The following ERMARD variants were observed in gnomAD, a reference collection of about 807,000 sequenced individuals.
ERMARD encodes the protein ER membrane associated RNA degradation, also known as endoplasmic reticulum membrane-associated RNA degradation protein.
In ERMARD, 71 loss-of-function variants were observed where a neutral mutation model predicts 83.9. The observed-to-expected ratio is 0.85, with a 90% CI of 0.70 to 1.03. The LOEUF is 1.03. Ranked by LOEUF, ERMARD falls within the 50% of genes least tolerant of loss-of-function variation. The probability of loss-of-function intolerance (pLI) is 0.00; values close to 1 mark genes in which losing one functional copy is unlikely to be tolerated. For synonymous variants in ERMARD, 284 were observed against 298.6 expected (o/e 0.95, Z 0.50); for missense variants, 838 against 810.9 (o/e 1.03, Z -0.41).
At chr6:169,760,794 T>A in intron 8 of ERMARD, 38 bp downstream of exon 8, 2 of 1,392,160 alleles carry the variant, frequency 1.4e-6, no homozygotes, top group Non-Finnish European at 2.0e-6. Context: ...TTTGCAGTGG[T>A]TGGAGGCCAT....
chr6:169,774,936 G>A (rs914239900), intron 13 of ERMARD, among the ~76,000 whole-genome samples: 4 of 152,158 alleles, frequency 2.6e-5, no homozygotes, highest in Non-Finnish European at 4.4e-5. Context: ...GCACAGCATC[G>A]TCACACCTGC....
At chr6:169,767,353 G>C (rs143811271) in intron 10 of ERMARD, 1 of 152,308 alleles carries the variant, frequency 6.6e-6, no homozygotes, top group African/African-American at 2.4e-5. Context: ...GTGAGGAATT[G>C]ATTAGATAGT....
At chr6:169,780,200 G>T (rs1794049345) in intron 17 of ERMARD, among the ~76,000 whole-genome samples, 1 of 152,130 alleles carries the variant, frequency 6.6e-6, no homozygotes, top group Non-Finnish European at 1.5e-5. Context: ...TTGTGGGCTG[G>T]TGCAAGACTG....
In ERMARD at chr6:169,768,175, A is replaced by C; in HGVS notation, c.1059+4A>C. ...TTTCCTTGGAGAGCCTGCTATGGTAAGTATTAGGTATTTTCCAGGCTAATA... is the reference window on the plus strand; with the variant it reads ...TTTCCTTGGAGAGCCTGCTATGGTACGTATTAGGTATTTTCCAGGCTAATA... On this transcript the variant is annotated splice_donor_region_variant and intron_variant, in intron 11 of 17. Transcript: ENST00000366773. 2 of 1,612,254 alleles carry C rather than the reference A, an allele frequency of 1.2e-6. No homozygotes were observed. The highest frequency in any genetic ancestry group is 2.2e-5 in the South Asian group (2 of 91,028).
chr6:169,781,563 T>G lies in ERMARD; in HGVS notation c.*50T>G. 1 of 1,514,084 alleles carries G rather than the reference T, an allele frequency of 6.6e-7. No individual in the cohort carries two copies. Among genetic ancestry groups the G allele is most frequent in the Non-Finnish European group, 8.9e-7 (1 of 1,126,538 alleles). The allele number at this position is 1,514,084 out of a possible 1,614,324, so 93.8% of individuals were successfully genotyped here. On this transcript the variant is annotated 3_prime_UTR_variant, in exon 18 of 18. Transcript: ENST00000366773. ...AATTTTAACAGATTTTAACAGCGTG[T>G]AAATTAAAAACCCAAAGACAGGGTG...
At chr6:169,765,589 C>T (rs1464419763) in intron 9 of ERMARD, among the ~76,000 whole-genome samples, 4 of 152,006 alleles carry the variant, frequency 2.6e-5, no homozygotes, top group African/African-American at 4.8e-5. Context: ...ATGTGGTAGA[C>T]GTTGGATATT....
Position 169,760,775 on chromosome 6 carries a change from G to A in ERMARD, c.857+19G>A. 6.4e-7 allele frequency: 1 copy of A among 1,565,674 alleles called. No homozygotes were observed. The highest frequency in any genetic ancestry group is 1.7e-5 in the Admixed American group (1 of 58,602). On this transcript the variant is annotated intron_variant, in intron 8 of 17. Transcript: ENST00000366773. ...CACACAGGTAACTAAAGGGTACATG[G>A]CAGAGTGGTTTGCAGTGGTTGGAGG...
chr6:169,777,516 C>T lies in ERMARD; in HGVS notation c.1739+843C>T, dbSNP rs571077422. ...GGGGTCCTGAGATTTATTTTCCTTT[C>T]ATGATAGAAACAAAAGTTAAGTTCC... On this transcript the variant is annotated intron_variant, in intron 16 of 17. Transcript: ENST00000366773. Among the ~76,000 whole-genome samples, 8 of 152,272 alleles carry T rather than the reference C, an allele frequency of 5.3e-5. No homozygotes were observed. The South Asian group carries it at 1.7e-3, about 32-fold the overall frequency.
At chr6:169,781,190 G>A (rs1794160915) in intron 17 of ERMARD, 140 bp from the exon 18 acceptor site, 1 of 746,886 alleles carries the variant, frequency 1.3e-6, no homozygotes, top group Non-Finnish European at 2.0e-6. Flanking sequence ...TTATTTATAC[G>A]GATTTATTTT....
intron 6 of ERMARD, 37 bp from the exon 7 acceptor site, chr6:169,759,801 G>A: frequency 1.3e-6 from 2 of 1,564,262 alleles, no homozygotes; most frequent in South Asian, 2.3e-5. Flanking sequence ...GCATGATTGA[G>A]TACATTTTTG....
At chr6:169,758,384 G>C (rs1178271282) in intron 5 of ERMARD, among the ~76,000 whole-genome samples, 1 of 152,216 alleles carries the variant, frequency 6.6e-6, no homozygotes, top group Non-Finnish European at 1.5e-5. Flanking sequence ...TAGGACGCCT[G>C]GTTGGGTGTT....
chr6:169,769,537 A>G lies in ERMARD; in HGVS notation c.1060-3A>G. The stretch of plus-strand genomic sequence containing the variant: ...AATATTTTCTCTGTTTAATTTCTGA[A>G]AGGAATTTCTCTGGGATTTCCTGAA... On this transcript the variant is annotated splice_region_variant and splice_polypyrimidine_tract_variant and intron_variant, in intron 11 of 17. Transcript: ENST00000366773. 6.3e-7 allele frequency: 1 copy of G among 1,593,798 alleles called. No homozygotes were observed.
At chr6:169,767,498 A>ACATGCACACACCACACATT (rs1227284800) in intron 10 of ERMARD, 2 of 154,344 alleles carry the variant, frequency 1.3e-5, no homozygotes, top group Non-Finnish European at 2.9e-5. Context: ...CACCACACAT[A>ACATGCACACACCACACATT]CATACACACA....
chr6:169,758,864 C>G (rs1791156600), intron 5 of ERMARD, 104 bp from the exon 6 acceptor site: 2 of 1,027,872 alleles, frequency 1.9e-6, no homozygotes, highest in Non-Finnish European at 1.5e-6. Flanking sequence ...CTAGCCAAAA[C>G]TGTTGACTCT....
chr6:169,775,567 G>C (rs1464844705), intron 14 of ERMARD, among the ~76,000 whole-genome samples: 2 of 152,248 alleles, frequency 1.3e-5, no homozygotes, highest in East Asian at 3.8e-4. Flanking sequence ...ACGAGAGGCA[G>C]GTTTTGTGGG....
chr6:169,754,374 T>A (rs1790529833), intron 2 of ERMARD, among the ~76,000 whole-genome samples: 2 of 152,080 alleles, frequency 1.3e-5, no homozygotes, highest in Admixed American at 1.3e-4. Context: ...CAGTAATAGA[T>A]TATACAGTTA....
chr6:169,763,087 A>T (rs1242055249), intron 9 of ERMARD, among the ~76,000 whole-genome samples: 1 of 152,176 alleles, frequency 6.6e-6, no homozygotes, highest in East Asian at 1.9e-4. Flanking sequence ...GCCCTGTCTG[A>T]GGCAAGCGTC....
intron 10 of ERMARD, chr6:169,767,802 C>A: frequency 2.6e-6 from 1 of 382,402 alleles, no homozygotes; most frequent in Non-Finnish European, 4.8e-6. Flanking sequence ...CATATAAACA[C>A]ACAAATGTAC....
Position 169,756,820 on chromosome 6 carries a change from C to T in ERMARD, c.507+12C>T, listed in dbSNP as rs1280312447. Reference sequence around the variant, plus strand: ...TCAGTCAGTCTGTGGTAAGCTTGTTCATCTAAACTCATGGAGTATATTAGT... The same window carrying T: ...TCAGTCAGTCTGTGGTAAGCTTGTTTATCTAAACTCATGGAGTATATTAGT... On this transcript the variant is annotated intron_variant, in intron 5 of 17. Coordinates refer to ENST00000366773, the MANE Select transcript of ERMARD (RefSeq NM_018341.3). 1 of 1,610,354 alleles carries T rather than the reference C, an allele frequency of 6.2e-7. No individual in the cohort carries two copies. The highest frequency in any genetic ancestry group is 1.7e-5 in the Admixed American group (1 of 59,996).
Sources: gnomAD v4.1 joint callset for allele counts (sites outside exome capture counted in the v4.1 genomes callset) on GRCh38, gnomAD v4.1.1 for gene constraint, MANE v1.5 for transcripts, NCBI Gene and HGNC (gene_info 2026-07-23, HGNC 2026-07-21) for gene names.